Variants in SYT11 observed in about 807,000 individuals in gnomAD.
SYT11 encodes synaptotagmin-11.
SYT11 carries 12 observed loss-of-function variants against 30.4 expected under a neutral mutation model. That is an observed-to-expected ratio of 0.39 (90% CI 0.25 to 0.64). SYT11 has a LOEUF of 0.64. Ranked by LOEUF, SYT11 falls within the 30% of genes least tolerant of loss-of-function variation. SYT11 has a pLI of 0.45. For synonymous variants in SYT11, 204 were observed against 216.0 expected (o/e 0.94, Z 0.49); for missense variants, 412 against 552.0 (o/e 0.75, Z 2.54).
At position 155,877,462 on chromosome 1, in the gene SYT11, C is replaced by T. The variant is rs79810144; in HGVS notation, c.862-3038C>T. Among the ~76,000 whole-genome samples the T allele has an allele frequency of 2.6e-5, 4 of 151,930 alleles. No individual in the cohort carries two copies. The East Asian group carries it at 7.7e-4, about 29-fold the overall frequency. On this transcript the variant is annotated intron_variant, in intron 2 of 3. Transcript: ENST00000368324. Reference sequence around the variant, plus strand: ...TCACCAAGGCTGAAGTGCAGTGGCTCAAACACAGCTCACTGCAGCTTCGAT... The same window carrying T: ...TCACCAAGGCTGAAGTGCAGTGGCTTAAACACAGCTCACTGCAGCTTCGAT...
In SYT11 at chr1:155,868,767, G is replaced by A. The variant is rs1468497419; in HGVS notation, c.837G>A (p.Arg279=). 3 of 1,613,456 alleles carry A rather than the reference G, an allele frequency of 1.9e-6. No individual in the cohort carries two copies. Among genetic ancestry groups the A allele is most frequent in the Admixed American group, 1.7e-5 (1 of 59,974 alleles). The change falls in exon 2 of 4, where the codon AGG becomes AGA. Residue 279 remains arginine (R), a synonymous_variant. Transcript: ENST00000368324. This position sits in a 1 kb window ranked among gnomAD's most constrained non-coding sequence, Gnocchi z 4.7. ...GCACAGGCAAGGTACAACTGACCAG[G>A]GACATCATCAAAAGGAATATCCAGG... ...DPSTGKVQLT[R]DIIKRNIQKC... is the part of the protein sequence containing the mutation.
intron 2 of SYT11, among the ~76,000 whole-genome samples, chr1:155,877,756 C>G (rs909101367): frequency 2.0e-5 from 3 of 151,896 alleles, no homozygotes; most frequent in Non-Finnish European, 4.4e-5. Flanking sequence ...CCAGGTTTCA[C>G]CGTGTTAGCC....
rs1199226286 is a variant in SYT11 at position 155,880,762 on chromosome 1, C to T, written c.985+139C>T. The T allele has an allele frequency of 3.8e-6, 4 of 1,055,086 alleles. No homozygotes were observed. The South Asian group carries it at 4.5e-5, about 12-fold the overall frequency. The allele number at this position is 1,055,086 out of a possible 1,614,324, so 65.4% of individuals were successfully genotyped here. ...CTCCTCTTTCTGTAGACATTCTCTT[C>T]CTGATGAGTATCTACGTCCAATAGA... On this transcript the variant is annotated intron_variant, in intron 3 of 3. Transcript: ENST00000368324.
intron 2 of SYT11, among the ~76,000 whole-genome samples, chr1:155,869,903 A>C (rs1170704354): frequency 2.6e-5 from 4 of 151,728 alleles, no homozygotes; most frequent in Non-Finnish European, 5.9e-5. Flanking sequence ...GCACGACTTT[A>C]CTCTCCAGCT....
chr1:155,879,733 T>G (rs1242921743), intron 2 of SYT11, among the ~76,000 whole-genome samples: 1 of 152,244 alleles, frequency 6.6e-6, no homozygotes, highest in African/African-American at 2.4e-5. Flanking sequence ...AATGAGAGGA[T>G]GCACTTCTAT....
At chr1:155,878,008 C>G (rs1672895851) in intron 2 of SYT11, among the ~76,000 whole-genome samples, 1 of 152,118 alleles carries the variant, frequency 6.6e-6, no homozygotes, top group South Asian at 2.1e-4. Flanking sequence ...TTTGGGAGGC[C>G]AAGGTGGGCG....
At chr1:155,870,471 G>A (rs1476057797) in intron 2 of SYT11, among the ~76,000 whole-genome samples, 1 of 152,238 alleles carries the variant, frequency 6.6e-6, no homozygotes, top group Non-Finnish European at 1.5e-5. Flanking sequence ...AGTGAAGGAA[G>A]ACAAGGGAGG....
At position 155,868,942 on chromosome 1, in the gene SYT11, G is replaced by A. The variant is rs1347414394; in HGVS notation, c.861+151G>A. 3 of 771,584 alleles carry A rather than the reference G, an allele frequency of 3.9e-6. No homozygotes were observed. Among genetic ancestry groups the A allele is most frequent in the Admixed American group, 2.9e-5 (1 of 34,506 alleles). 47.8% of individuals were successfully genotyped at this position (771,584 alleles called of 1,614,324 possible). A position where few individuals can be genotyped will look rare whatever the true frequency, so the allele number is the denominator to read the frequency against. The stretch of plus-strand genomic sequence containing the variant: ...ATGTCAAGGATAAGCAGTGGTCAGA[G>A]TAAGACAGAGGGCCTGGCAGATGAG... On this transcript the variant is annotated intron_variant, in intron 2 of 3. Transcript: ENST00000368324. The surrounding 1 kb of genome is among the most constrained non-coding windows in gnomAD (Gnocchi z 4.7).
intron 2 of SYT11, among the ~76,000 whole-genome samples, chr1:155,870,014 GA>G (rs1198335520): frequency 2.0e-5 from 3 of 152,208 alleles, no homozygotes; most frequent in Non-Finnish European, 4.4e-5. Flanking sequence ...CTTCCTTACA[GA>G]GAATCAAATG....
intron 2 of SYT11, among the ~76,000 whole-genome samples, chr1:155,869,031 T>C (rs1314343491): frequency 1.3e-5 from 2 of 152,168 alleles, no homozygotes; most frequent in Non-Finnish European, 2.9e-5. Flanking sequence ...TTTCACTTAG[T>C]GGTTGGCATC....
chr1:155,874,740 A>G (rs1446445693), intron 2 of SYT11, among the ~76,000 whole-genome samples: 1 of 147,840 alleles, frequency 6.8e-6, no homozygotes, highest in Admixed American at 6.8e-5. Context: ...AATACAAAAA[A>G]TTAGCCGGGC....
rs1673028440 is a variant in SYT11 at position 155,884,214 on chromosome 1, T to A, written c.*2706T>A. 1 of 152,784 alleles carries A rather than the reference T, an allele frequency of 6.5e-6. No individual in the cohort carries two copies. Among genetic ancestry groups the A allele is most frequent in the African/African-American group, 2.4e-5 (1 of 41,454 alleles). 9.5% of individuals were successfully genotyped at this position (152,784 alleles called of 1,614,324 possible). A position where few individuals can be genotyped will look rare whatever the true frequency, so the allele number is the denominator to read the frequency against. On this transcript the variant is annotated 3_prime_UTR_variant, in exon 4 of 4. Transcript: ENST00000368324. ...TGCAAAACAACAGGTGGAGATAGTCTGGTCTTTGCCCTGCTGTGTGTGCCT... is the reference window on the plus strand; with the variant it reads ...TGCAAAACAACAGGTGGAGATAGTCAGGTCTTTGCCCTGCTGTGTGTGCCT...
In SYT11 at chr1:155,868,082, C is replaced by T. The variant is rs1487961489; in HGVS notation, c.152C>T (p.Pro51Leu). ...HQQAEKKQKN[P>L]PYKFIHMLKG... ...CAGGCAGAGAAGAAGCAGAAGAACC[C>T]ACCATACAAGTTTATTCACATGCTC... is the stretch of plus-strand genomic sequence containing the variant. The change falls in exon 2 of 4, where the codon CCA becomes CTA. Residue 51 changes from proline (P) to leucine (L), a missense_variant. Physicochemically the swap from Pro to Leu is moderately conservative, Grantham distance 98. Transcript: ENST00000368324. This position sits in a 1 kb window ranked among gnomAD's most constrained non-coding sequence, Gnocchi z 4.7. The T allele has an allele frequency of 6.2e-7, 1 of 1,614,090 alleles. No homozygotes were observed.
intron 1 of SYT11, among the ~76,000 whole-genome samples, chr1:155,861,648 C>T (rs751961640): frequency 5.1e-4 from 77 of 152,270 alleles, no homozygotes; most frequent in Admixed American, 2.9e-3. Flanking sequence ...GACGGAGTTT[C>T]GATCTTGTTG....
chr1:155,863,172 G>A (rs766729315), intron 1 of SYT11, among the ~76,000 whole-genome samples: 1 of 152,068 alleles, frequency 6.6e-6, no homozygotes, highest in Non-Finnish European at 1.5e-5. Context: ...ATTTTAAAAT[G>A]TACCCGGGTA....
chr1:155,864,708 CTTT>C (rs773089384), intron 1 of SYT11, among the ~76,000 whole-genome samples: 1 of 128,268 alleles, frequency 7.8e-6, no homozygotes, highest in Non-Finnish European at 1.6e-5. Flanking sequence ...TGACTCAATC[CTTT>C]TTTTTTTTTT....
chr1:155,870,588 T>C (rs1349336067), intron 2 of SYT11, among the ~76,000 whole-genome samples: 1 of 152,206 alleles, frequency 6.6e-6, no homozygotes, highest in Non-Finnish European at 1.5e-5. Context: ...TCTTGATACC[T>C]TTTTTACCTG....
intron 1 of SYT11, among the ~76,000 whole-genome samples, chr1:155,863,851 G>C (rs924149366): frequency 1.5e-4 from 23 of 151,764 alleles, no homozygotes; most frequent in Non-Finnish European, 2.8e-4. Context: ...AACCAGGGAG[G>C]CAGAGGTTGC....
In SYT11 at chr1:155,882,326, C is replaced by A. The variant is rs940869427; in HGVS notation, c.*818C>A. 1 of 152,294 alleles carries A rather than the reference C, an allele frequency of 6.6e-6. No homozygotes were observed. The highest frequency in any genetic ancestry group is 2.4e-5 in the African/African-American group (1 of 41,424). 9.4% of individuals were successfully genotyped at this position (152,294 alleles called of 1,614,324 possible). On this transcript the variant is annotated 3_prime_UTR_variant, in exon 4 of 4. Coordinates refer to ENST00000368324, the MANE Select transcript of SYT11 (RefSeq NM_152280.5). Reference sequence around the variant, plus strand: ...CTCTTATAAAACCTCATGTTTTCATCATTCCCATCTTTTCTTTTTATTGCC... The same window carrying A: ...CTCTTATAAAACCTCATGTTTTCATAATTCCCATCTTTTCTTTTTATTGCC...
Sources: allele counts gnomAD v4.1 joint callset (sites outside exome capture counted in the v4.1 genomes callset), GRCh38; gene constraint gnomAD v4.1.1; non-coding constraint Gnocchi (gnomAD v3.1); transcripts MANE v1.5; gene names NCBI Gene and HGNC (gene_info 2026-07-23, HGNC 2026-07-21).